Variants in NETO1 observed in about 807,000 individuals in gnomAD.
The protein encoded by NETO1 is neuropilin and tolloid like 1.
In NETO1, 26 loss-of-function variants were observed where a neutral mutation model predicts 61.3. The ratio of observed to expected loss-of-function variants is 0.42; its 90% CI spans 0.31 to 0.59. The LOEUF (loss-of-function observed/expected upper bound fraction) is 0.59, where lower values mean the gene tolerates loss of function less well. Ranked by LOEUF, NETO1 falls within the 20% of genes least tolerant of loss-of-function variation. NETO1 has a pLI of 0.12. For missense variants in NETO1, 531 were observed against 662.8 expected (o/e 0.80, Z 2.18); for synonymous variants, 225 against 225.8 (o/e 1.00, Z 0.03).
chr18:72,794,218 C>T lies in NETO1; in HGVS notation c.538G>A (p.Glu180Lys), dbSNP rs1340251698. ...ATTTGTATAGACTCCACAATTCCTT[C>T]GGAACCGCCCATCTCAAACTCACAC... The part of the protein sequence containing the change: ...PACEFEMGGS[E>K]GIVESIQIMK... Residue 180 changes from glutamate (E) to lysine (K), a missense_variant, in exon 6 of 11, where the codon GAA becomes AAA. Physicochemically the swap from Glu to Lys is moderately conservative, Grantham distance 56. Coordinates refer to ENST00000327305, the MANE Select transcript of NETO1 (RefSeq NM_138966.5). 2.5e-6 allele frequency: 4 copies of T among 1,614,142 alleles called. No homozygotes were observed. Among genetic ancestry groups the T allele is most frequent in the East Asian group, 2.2e-5 (1 of 44,878 alleles).
intron 4 of NETO1, among the ~76,000 whole-genome samples, chr18:72,802,934 G>T (rs2072555992): frequency 6.6e-6 from 1 of 152,176 alleles, no homozygotes; most frequent in Non-Finnish European, 1.5e-5. Context: ...CACTTTTGCT[G>T]CAGACTGAAT....
In NETO1 at chr18:72,867,728, G is replaced by C. The variant is rs1310541488; in HGVS notation, c.-437C>G. The C allele has an allele frequency of 6.7e-5, 10 of 150,040 alleles. No homozygotes were observed. The highest frequency in any genetic ancestry group is 1.9e-4 in the African/African-American group (8 of 41,028). The allele number at this position is 150,040 out of a possible 1,614,324, so 9.3% of individuals were successfully genotyped here. ...CGAGCCGGGGCCGGGGCCGGGGAGAGGGCGCAGCGAGGTGGGGGCCAGTCC... is the reference window on the plus strand; with the variant it reads ...CGAGCCGGGGCCGGGGCCGGGGAGACGGCGCAGCGAGGTGGGGGCCAGTCC... On this transcript the variant is annotated 5_prime_UTR_variant, in exon 1 of 11. Transcript: ENST00000327305.
In NETO1 at chr18:72,750,340, C is replaced by G. The variant is rs776156303; in HGVS notation, c.1263G>C (p.Arg421=). Residue 421 remains arginine (R), a synonymous_variant, in exon 9 of 11, where the codon CGG becomes CGC. Transcript: ENST00000327305. The part of the protein sequence containing the change: ...ADDFENYHKL[R]RSSSKCIHDH... ...CATGAATGCATTTGGAAGATGACCT[C>G]CGCAGTTTATGGTAATTTTCAAAGT... 1 of 1,614,018 alleles carries G rather than the reference C, an allele frequency of 6.2e-7. No individual in the cohort carries two copies. Among genetic ancestry groups the G allele is most frequent in the Non-Finnish European group, 8.5e-7 (1 of 1,179,996 alleles).
chr18:72,798,662 G>C (rs562070678), intron 4 of NETO1, among the ~76,000 whole-genome samples: 64 of 152,318 alleles, frequency 4.2e-4, no homozygotes, highest in African/African-American at 1.5e-3. Context: ...CTCAGTCACA[G>C]TTTTGGTAAG....
At chr18:72,777,109 AC>A (rs2071573122) in intron 7 of NETO1, among the ~76,000 whole-genome samples, 2 of 152,220 alleles carry the variant, frequency 1.3e-5, no homozygotes, top group South Asian at 4.1e-4. Context: ...CAAGCCCAAA[AC>A]CTTGAGGCTC....
At chr18:72,763,841 G>C (rs1054273965) in intron 7 of NETO1, among the ~76,000 whole-genome samples, 1 of 152,120 alleles carries the variant, frequency 6.6e-6, no homozygotes, top group East Asian at 1.9e-4. Context: ...CCCAAGACTA[G>C]CTAATTTATA....
At chr18:72,752,380 T>G (rs2070649159) in intron 8 of NETO1, among the ~76,000 whole-genome samples, 1 of 151,922 alleles carries the variant, frequency 6.6e-6, no homozygotes, top group African/African-American at 2.4e-5. Flanking sequence ...GAACAGGAAA[T>G]GAGAGAGGCA....
rs777593054 is a variant in NETO1 at position 72,858,819 on chromosome 18, T to A, written c.469+7A>T. 6.3e-7 allele frequency: 1 copy of A among 1,592,602 alleles called. No homozygotes were observed. Among genetic ancestry groups the A allele is most frequent in the South Asian group, 1.2e-5 (1 of 86,634 alleles). ...AAAAGAAATTTTTTTTTTAAGTACT[T>A]ACTTACCAGGTGTGAAATTGTATCG... On this transcript the variant is annotated splice_region_variant and intron_variant, in intron 4 of 10. Coordinates refer to ENST00000327305, the MANE Select transcript of NETO1 (RefSeq NM_138966.5).
At chr18:72,769,265 C>G (rs953941047) in intron 7 of NETO1, among the ~76,000 whole-genome samples, 1 of 152,128 alleles carries the variant, frequency 6.6e-6, no homozygotes, top group Non-Finnish European at 1.5e-5. Flanking sequence ...ATCTGGTGGG[C>G]TTACCGTCAG....
chr18:72,807,715 A>AACACAC (rs72126949), intron 4 of NETO1, among the ~76,000 whole-genome samples: 7 of 65,260 alleles, frequency 1.1e-4, no homozygotes, highest in Non-Finnish European at 2.6e-4. Context: ...TGAAGACAAG[A>AACACAC]ACACACACAC....
At chr18:72,807,006 C>CT (rs2072695500) in intron 4 of NETO1, among the ~76,000 whole-genome samples, 1 of 152,140 alleles carries the variant, frequency 6.6e-6, no homozygotes. Flanking sequence ...TTTGAACAAA[C>CT]TTTAAGTGCC....
chr18:72,749,632 G>T (rs567434325), intron 9 of NETO1, among the ~76,000 whole-genome samples: 1 of 152,094 alleles, frequency 6.6e-6, no homozygotes, highest in African/African-American at 2.4e-5. Flanking sequence ...GATTAAAATT[G>T]TCCATCAAGA....
At chr18:72,820,190 T>C (rs1372514638) in intron 4 of NETO1, among the ~76,000 whole-genome samples, 4 of 152,238 alleles carry the variant, frequency 2.6e-5, no homozygotes, top group South Asian at 2.1e-4. Flanking sequence ...ATTTAATTTA[T>C]ATATAGACAA....
At position 72,817,406 on chromosome 18, in the gene NETO1, T is replaced by C. The variant is rs551448438; in HGVS notation, c.470-23002A>G. ...AGCATCGGCCCCGCAGCCATTCCAG[T>C]GCTCAGGCTGTTGCCAAATGGAGAA... On this transcript the variant is annotated intron_variant, in intron 4 of 10. Coordinates refer to ENST00000327305, the MANE Select transcript of NETO1 (RefSeq NM_138966.5). Among the ~76,000 whole-genome samples the C allele has an allele frequency of 3.9e-5, 6 of 152,334 alleles. No homozygotes were observed. The South Asian group carries it at 1.2e-3, about 32-fold the overall frequency.
chr18:72,839,390 A>G (rs1475575537), intron 4 of NETO1, among the ~76,000 whole-genome samples: 1 of 152,228 alleles, frequency 6.6e-6, no homozygotes, highest in Non-Finnish European at 1.5e-5. Context: ...TTGAAAAATC[A>G]AGGGATAAAT....
In NETO1 at chr18:72,794,373, T is replaced by C. The variant is rs1054351060; in HGVS notation, c.501A>G (p.Lys167=). 2 of 1,612,694 alleles carry C rather than the reference T, an allele frequency of 1.2e-6. No homozygotes were observed. Among genetic ancestry groups the C allele is most frequent in the African/African-American group, 2.7e-5 (2 of 74,760 alleles). ...ATCTATTTTACCAACCTGGTAATGGTTTCAAAGCTCCAAGGTCCTTAAAGT... is the reference window on the plus strand; with the variant it reads ...ATCTATTTTACCAACCTGGTAATGGCTTCAAAGCTCCAAGGTCCTTAAAGT... ...DPDFKDLGAL[K]PLPACEFEMG... The change falls in exon 5 of 11, where the codon AAA becomes AAG. Residue 167 remains lysine, a synonymous_variant. Transcript: ENST00000327305.
At chr18:72,816,301 G>GA (rs1301531463) in intron 4 of NETO1, among the ~76,000 whole-genome samples, 1 of 152,188 alleles carries the variant, frequency 6.6e-6, no homozygotes, top group Non-Finnish European at 1.5e-5. Context: ...AACTAGGTTT[G>GA]AAAAATCTTA....
chr18:72,852,214 T>C (rs1296279951), intron 4 of NETO1, among the ~76,000 whole-genome samples: 1 of 152,162 alleles, frequency 6.6e-6, no homozygotes, highest in Non-Finnish European at 1.5e-5. Context: ...CATGTTTGTT[T>C]GTTTGTTTGT....
At chr18:72,770,881 CTCTT>C (rs1230039055) in intron 7 of NETO1, among the ~76,000 whole-genome samples, 7 of 152,096 alleles carry the variant, frequency 4.6e-5, no homozygotes, top group African/African-American at 1.7e-4. Context: ...ACTCCCTCTT[CTCTT>C]TGATTCTTTA....
Sources: gnomAD v4.1 joint callset for allele counts (sites outside exome capture counted in the v4.1 genomes callset) on GRCh38, gnomAD v4.1.1 for gene constraint, MANE v1.5 for transcripts, NCBI Gene and HGNC (gene_info 2026-07-23, HGNC 2026-07-21) for gene names.